The following PHC2 variants were observed in gnomAD, a reference collection of about 807,000 sequenced individuals.
The protein encoded by PHC2 is polyhomeotic homolog 2, also known as polyhomeotic-like protein 2.
A neutral mutation model predicts 87.4 loss-of-function variants in PHC2; 29 were observed. The ratio of observed to expected loss-of-function variants is 0.33; its 90% confidence interval spans 0.25 to 0.45. PHC2 has a LOEUF of 0.45. PHC2 is among the 20% of genes least tolerant of loss of function. PHC2 has a pLI of 1.00. For synonymous variants in PHC2, 438 were observed against 461.7 expected, an observed-to-expected ratio of 0.95 and a Z score of 0.66; for missense variants, 857 against 1,136.7, an observed-to-expected ratio of 0.75 and a Z score of 3.54.
Position 33,414,778 on chromosome 1 carries a change from G to A in PHC2, c.-55+16198C>T, listed in dbSNP as rs571107031. Among the ~76,000 whole-genome samples, 5 of 152,276 alleles carry A rather than the reference G, an allele frequency of 3.3e-5. No homozygotes were observed. In the South Asian group the frequency reaches 1.0e-3, roughly 32 times the overall value. On this transcript the variant is annotated intron_variant, in intron 1 of 14. Coordinates refer to ENST00000683057, the MANE Select transcript of PHC2 (RefSeq NM_001385109.1). ...CACGTAGAATTTTGTTACTTTAAAT[G>A]CAGATCTACTTTTTAACTATTCACA...
In PHC2 at chr1:33,361,898, T is replaced by G. The variant is rs80337113; in HGVS notation, c.976+5218A>C. ...ACTTGCACAGGCCATCTCAGTCATT[T>G]ACAGCCCATAGGAAATATAATCACC... On this transcript the variant is annotated intron_variant, in intron 7 of 14. Coordinates refer to ENST00000683057, the MANE Select transcript of PHC2 (RefSeq NM_001385109.1). 8.0e-3 allele frequency among the ~76,000 whole-genome samples: 1,214 copies of G among 152,354 alleles called. 50 individuals carry two copies. Among genetic ancestry groups the G allele is most frequent in the Admixed American group, 0.059 (907 of 15,306 alleles).
At chr1:33,385,803 T>C (rs1184812060) in intron 1 of PHC2, among the ~76,000 whole-genome samples, 1 of 151,782 alleles carries the variant, frequency 6.6e-6, no homozygotes, top group East Asian at 1.9e-4. Context: ...ATAAAAATTT[T>C]TTTTTTTTTT....
chr1:33,361,632 C>T (rs181522320), intron 7 of PHC2, among the ~76,000 whole-genome samples: 8 of 152,328 alleles, frequency 5.3e-5, no homozygotes, highest in Non-Finnish European at 1.2e-4. Flanking sequence ...CGTGAGCCAT[C>T]GTGCCTGGCC....
chr1:33,342,693 T>C (rs950617599), intron 9 of PHC2, among the ~76,000 whole-genome samples: 1 of 152,046 alleles, frequency 6.6e-6, no homozygotes, highest in African/African-American at 2.4e-5. Context: ...CAGGGAATAA[T>C]AGCTGGCCCT....
At chr1:33,351,630 A>G (rs1646974491) in intron 9 of PHC2, among the ~76,000 whole-genome samples, 1 of 152,176 alleles carries the variant, frequency 6.6e-6, no homozygotes, top group Non-Finnish European at 1.5e-5. Context: ...CCCTTCCCAC[A>G]GTGCTTTGCA....
At position 33,364,336 on chromosome 1, in the gene PHC2, G is replaced by A. The variant is rs7545146; in HGVS notation, c.976+2780C>T. On this transcript the variant is annotated intron_variant, in intron 7 of 14. Coordinates refer to ENST00000683057, the MANE Select transcript of PHC2 (RefSeq NM_001385109.1). The surrounding 1 kb of genome is among the most constrained non-coding windows in gnomAD (Gnocchi z 4.1). Reference sequence around the variant, plus strand: ...AATAACAAACAAAAAATGTGTGCGCGCTCGCTTGCTTTCTCTCTCCCAGAC... The same window carrying A: ...AATAACAAACAAAAAATGTGTGCGCACTCGCTTGCTTTCTCTCTCCCAGAC... Among the ~76,000 whole-genome samples, 92,855 of 151,352 alleles carry A rather than the reference G, an allele frequency of 0.61. 29,674 individuals are homozygous for A. The highest frequency in any genetic ancestry group is 0.82 in the African/African-American group (33,683 of 41,208).
chr1:33,389,105 C>T (rs2148358507), intron 1 of PHC2, among the ~76,000 whole-genome samples: 1 of 149,960 alleles, frequency 6.7e-6, no homozygotes, highest in East Asian at 2.0e-4. Context: ...CCCTCACCTA[C>T]AGATGAAGTT....
At chr1:33,335,839 G>A (rs1016115277) in intron 9 of PHC2, among the ~76,000 whole-genome samples, 2 of 150,978 alleles carry the variant, frequency 1.3e-5, no homozygotes, top group Non-Finnish European at 2.9e-5. Flanking sequence ...GGTGGAGGCT[G>A]CAGTGAGCTG....
intron 7 of PHC2, among the ~76,000 whole-genome samples, chr1:33,356,553 A>G (rs1212371327): frequency 6.6e-6 from 1 of 151,738 alleles, no homozygotes; most frequent in Non-Finnish European, 1.5e-5. Flanking sequence ...CACCGCCCTT[A>G]ATCCATTTAA....
At chr1:33,378,615 T>A (rs892162674) in intron 1 of PHC2, among the ~76,000 whole-genome samples, 1 of 152,178 alleles carries the variant, frequency 6.6e-6, no homozygotes, top group Non-Finnish European at 1.5e-5. Context: ...TTTCTGTGAG[T>A]GTAGTTAATC....
intron 14 of PHC2, 54 bp downstream of exon 14, chr1:33,328,816 C>G (rs1013586388): frequency 6.5e-7 from 1 of 1,533,764 alleles, no homozygotes; most frequent in Non-Finnish European, 8.8e-7. Flanking sequence ...GAGGGTCTCT[C>G]ATTTTCTCTT....
chr1:33,383,104 G>A (rs1648566808), intron 1 of PHC2, among the ~76,000 whole-genome samples: 1 of 152,104 alleles, frequency 6.6e-6, no homozygotes, highest in Non-Finnish European at 1.5e-5. Context: ...ATGCCCCTCC[G>A]CCAGAGGCAT....
intron 1 of PHC2, among the ~76,000 whole-genome samples, chr1:33,427,894 C>T (rs1312536399): frequency 1.3e-5 from 2 of 152,236 alleles, no homozygotes; most frequent in African/African-American, 4.8e-5. Flanking sequence ...CCTTCTCCCT[C>T]CCTCCCTAAA....
intron 4 of PHC2, 51 bp from the exon 5 acceptor site, chr1:33,370,636 T>C (rs1453883418): frequency 3.3e-6 from 5 of 1,522,912 alleles, no homozygotes; most frequent in Non-Finnish European, 3.6e-6. Context: ...GTTGGTGAGC[T>C]GTGTCCCCCT....
At chr1:33,402,771 C>G (rs1170904446) in intron 1 of PHC2, among the ~76,000 whole-genome samples, 1 of 151,876 alleles carries the variant, frequency 6.6e-6, no homozygotes, top group African/African-American at 2.4e-5. Flanking sequence ...GTAAAAATAA[C>G]AGTATATTGT....
At position 33,400,425 on chromosome 1, in the gene PHC2, A is replaced by G. The variant is rs1313707130; in HGVS notation, c.-54-24832T>C. Among the ~76,000 whole-genome samples, 4 of 152,246 alleles carry G rather than the reference A, an allele frequency of 2.6e-5. 1 individual carries two copies. The highest frequency in any genetic ancestry group is 9.6e-5 in the African/African-American group (4 of 41,464). On this transcript the variant is annotated intron_variant, in intron 1 of 14. Transcript: ENST00000683057. Reference sequence around the variant, plus strand: ...GTACTAGGAGTAATAATAGCAGCAAAGGCAAGAATGAAAACGCTAGCAGTT... The same window carrying G: ...GTACTAGGAGTAATAATAGCAGCAAGGGCAAGAATGAAAACGCTAGCAGTT...
Position 33,326,403 on chromosome 1 carries a change from CAAA to C in PHC2, c.2426-1387_2426-1385del, listed in dbSNP as rs531777443. On this transcript the variant is annotated intron_variant, in intron 14 of 14. Coordinates refer to ENST00000683057, the MANE Select transcript of PHC2 (RefSeq NM_001385109.1). ...TTCAGAAAGATCTAAAGTGATGCCT[CAAA>C]GAGCTATTCAATCCAAAGGCTCTCG... 12 of 154,100 alleles carry C rather than the reference CAAA, an allele frequency of 7.8e-5. No individual in the cohort carries two copies. The South Asian group carries it at 2.3e-3, about 29-fold the overall frequency. The allele number at this position is 154,100 out of a possible 1,614,324, so 9.5% of individuals were successfully genotyped here.
intron 1 of PHC2, among the ~76,000 whole-genome samples, chr1:33,425,635 A>C (rs1557850915): frequency 6.6e-6 from 1 of 152,244 alleles, no homozygotes; most frequent in Non-Finnish European, 1.5e-5. Context: ...GCTTGAATTG[A>C]GTCTTAAAAG....
At position 33,323,840 on chromosome 1, in the gene PHC2, G is replaced by C. The variant is rs538901843; in HGVS notation, c.*1025C>G. Reference sequence around the variant, plus strand: ...CAAATTGCTGCTAGGAAGATTTATAGGCAAAGAAGTGTGGGAGTGGGAGGC... The same window carrying C: ...CAAATTGCTGCTAGGAAGATTTATACGCAAAGAAGTGTGGGAGTGGGAGGC... On this transcript the variant is annotated 3_prime_UTR_variant, in exon 15 of 15. Transcript: ENST00000683057. 1 of 152,584 alleles carries C rather than the reference G, an allele frequency of 6.6e-6. No individual in the cohort carries two copies. The highest frequency in any genetic ancestry group is 2.1e-4 in the South Asian group (1 of 4,836). The allele number at this position is 152,584 out of a possible 1,614,324, so 9.5% of individuals were successfully genotyped here. A position where few individuals can be genotyped will look rare whatever the true frequency, so the allele number is the denominator to read the frequency against.
Sources: allele counts gnomAD v4.1 joint callset (sites outside exome capture counted in the v4.1 genomes callset), GRCh38; gene constraint gnomAD v4.1.1; non-coding constraint Gnocchi (gnomAD v3.1); transcripts MANE v1.5; gene names NCBI Gene and HGNC (gene_info 2026-07-23, HGNC 2026-07-21).